The following ZFAND3 variants were observed in gnomAD, a reference collection of about 807,000 sequenced individuals.
The protein encoded by ZFAND3 is AN1-type zinc finger protein 3.
ZFAND3 carries 10 observed loss-of-function variants against 29.6 expected under a neutral mutation model. The observed-to-expected ratio is 0.34, with a 90% CI of 0.21 to 0.57. The LOEUF is 0.57. ZFAND3 is among the 20% of genes least tolerant of loss of function. The pLI, the probability that ZFAND3 is intolerant of heterozygous loss-of-function variation, is 0.86. For missense variants in ZFAND3, 230 were observed against 304.5 expected (o/e 0.76, Z 1.82); for synonymous variants, 128 against 112.6 (o/e 1.14, Z -0.87).
intron 1 of ZFAND3, among the ~76,000 whole-genome samples, chr6:37,843,035 T>C (rs977016821): frequency 2.6e-5 from 4 of 151,902 alleles, no homozygotes; most frequent in African/African-American, 7.3e-5. Flanking sequence ...GGCACAAGAA[T>C]TGCTTGAACC....
In ZFAND3 at chr6:38,154,513, A is replaced by G. The variant is rs1766312191; in HGVS notation, c.*2124A>G. 1 of 981,138 alleles carries G rather than the reference A, an allele frequency of 1.0e-6. No homozygotes were observed. The highest frequency in any genetic ancestry group is 1.8e-5 in the African/African-American group (1 of 57,124). The allele number at this position is 981,138 out of a possible 1,614,324, so 60.8% of individuals were successfully genotyped here. A position where few individuals can be genotyped will look rare whatever the true frequency, so the allele number is the denominator to read the frequency against. Reference sequence around the variant, plus strand: ...TTTTGTGTTCTAGATTTACTTACACACATAGCCTAGAGCTCAGTTTTAGTT... The same window carrying G: ...TTTTGTGTTCTAGATTTACTTACACGCATAGCCTAGAGCTCAGTTTTAGTT... On this transcript the variant is annotated 3_prime_UTR_variant, in exon 6 of 6. Transcript: ENST00000287218.
intron 2 of ZFAND3, among the ~76,000 whole-genome samples, chr6:38,060,495 G>A (rs907493422): frequency 5.1e-5 from 7 of 137,686 alleles, no homozygotes. Context: ...GTCCTGTCCT[G>A]TCCTCCCTTC....
At chr6:38,132,328 T>C (rs9462384) in intron 5 of ZFAND3, among the ~76,000 whole-genome samples, 4,965 of 152,192 alleles carry the variant, frequency 0.033, 218 homozygotes, top group African/African-American at 0.096. Context: ...CTGGACAATG[T>C]AGCAAAAACC....
intron 4 of ZFAND3, among the ~76,000 whole-genome samples, chr6:38,103,418 TAC>T (rs1195970899): frequency 1.8e-4 from 26 of 145,220 alleles, no homozygotes; most frequent in African/African-American, 3.8e-4. Flanking sequence ...CACACGTATA[TAC>T]ACACACATAT....
At chr6:37,848,782 TCTTC>T (rs1266159490) in intron 1 of ZFAND3, among the ~76,000 whole-genome samples, 1 of 152,212 alleles carries the variant, frequency 6.6e-6, no homozygotes, top group Non-Finnish European at 1.5e-5. Flanking sequence ...TATGTTTTTT[TCTTC>T]CTCAAAATTT....
At chr6:37,908,757 A>AG (rs986202264) in intron 1 of ZFAND3, among the ~76,000 whole-genome samples, 2 of 150,786 alleles carry the variant, frequency 1.3e-5, no homozygotes, top group Non-Finnish European at 3.0e-5. Flanking sequence ...AAAAAAAAAA[A>AG]AAAGAAAAGT....
At chr6:38,082,308 A>G (rs1194352474) in intron 3 of ZFAND3, 84 bp from the exon 4 acceptor site, 4 of 1,234,964 alleles carry the variant, frequency 3.2e-6, no homozygotes, top group South Asian at 2.7e-5. Context: ...TTTCCTTTTT[A>G]AAGTTTCTCT....
intron 1 of ZFAND3, among the ~76,000 whole-genome samples, chr6:37,919,238 G>A (rs1484555672): frequency 1.3e-5 from 2 of 152,104 alleles, no homozygotes; most frequent in African/African-American, 2.4e-5. Context: ...GTGAGCCACC[G>A]CGCCGGGCTG....
chr6:37,873,647 G>A (rs138965963), intron 1 of ZFAND3, among the ~76,000 whole-genome samples: 2 of 152,312 alleles, frequency 1.3e-5, no homozygotes, highest in African/African-American at 4.8e-5. Flanking sequence ...GCTGGAAGAT[G>A]GAAAATGATA....
At position 37,919,860 on chromosome 6, in the gene ZFAND3, T is replaced by A. The variant is rs114264621; in HGVS notation, c.72-10099T>A. Among the ~76,000 whole-genome samples the A allele has an allele frequency of 5.0e-3, 763 of 152,310 alleles. 9 individuals carry two copies. The highest frequency in any genetic ancestry group is 0.015 in the African/African-American group (631 of 41,552). ...ATCCAATATTAGAGTTGGCTTGACATCCTTCCATACCTCAGTGTCCCTGAC... is the reference window on the plus strand; with the variant it reads ...ATCCAATATTAGAGTTGGCTTGACAACCTTCCATACCTCAGTGTCCCTGAC... On this transcript the variant is annotated intron_variant, in intron 1 of 5. Transcript: ENST00000287218.
intron 1 of ZFAND3, among the ~76,000 whole-genome samples, chr6:37,885,454 G>T (rs967246254): frequency 6.6e-6 from 1 of 152,130 alleles, no homozygotes; most frequent in Non-Finnish European, 1.5e-5. Flanking sequence ...GACCAGCCTG[G>T]CCAACATGGT....
chr6:37,882,583 A>G (rs1003197493), intron 1 of ZFAND3, among the ~76,000 whole-genome samples: 1 of 152,068 alleles, frequency 6.6e-6, no homozygotes, highest in African/African-American at 2.4e-5. Flanking sequence ...GGAAATGCCA[A>G]CCTCACTGGT....
chr6:38,050,152 A>G (rs1763998099), intron 2 of ZFAND3, among the ~76,000 whole-genome samples: 1 of 151,458 alleles, frequency 6.6e-6, no homozygotes. Flanking sequence ...ATAGGGTTTC[A>G]CCGTGTTGCC....
intron 1 of ZFAND3, among the ~76,000 whole-genome samples, chr6:37,842,748 T>TA (rs1764101229): frequency 2.0e-5 from 3 of 152,216 alleles, no homozygotes; most frequent in Admixed American, 1.3e-4. Context: ...GTTTGGGAGA[T>TA]ACCCTGGCCC....
chr6:38,100,504 T>C (rs1311190462), intron 4 of ZFAND3, among the ~76,000 whole-genome samples: 4 of 152,198 alleles, frequency 2.6e-5, no homozygotes. Context: ...AGATGACAAG[T>C]GAAAGTCTGT....
intron 1 of ZFAND3, among the ~76,000 whole-genome samples, chr6:37,849,452 A>G (rs1039865347): frequency 6.6e-6 from 1 of 152,088 alleles, no homozygotes; most frequent in African/African-American, 2.4e-5. Flanking sequence ...TTTATTGCCC[A>G]GGCTGGAGTG....
intron 5 of ZFAND3, among the ~76,000 whole-genome samples, chr6:38,146,972 A>G (rs181551001): frequency 6.6e-6 from 1 of 152,306 alleles, no homozygotes; most frequent in East Asian, 1.9e-4. Context: ...TACATGAGAA[A>G]TTCTGTTACA....
At chr6:37,976,140 G>A (rs74814349) in intron 2 of ZFAND3, among the ~76,000 whole-genome samples, 5 of 152,054 alleles carry the variant, frequency 3.3e-5, no homozygotes, top group Non-Finnish European at 5.9e-5. Context: ...ACTTTAAAGG[G>A]TATTTAACCT....
At chr6:37,917,447 G>T (rs1406212003) in intron 1 of ZFAND3, among the ~76,000 whole-genome samples, 1 of 152,100 alleles carries the variant, frequency 6.6e-6, no homozygotes, top group East Asian at 1.9e-4. Context: ...AATATGTGTT[G>T]GACATTAGAA....
Sources: allele counts gnomAD v4.1 joint callset (sites outside exome capture counted in the v4.1 genomes callset), GRCh38; gene constraint gnomAD v4.1.1; transcripts MANE v1.5; gene names NCBI Gene and HGNC (gene_info 2026-07-23, HGNC 2026-07-21).